Variants in ADAMTS2 observed in about 807,000 individuals in gnomAD.
The protein encoded by ADAMTS2 is ADAM metallopeptidase with thrombospondin type 1 motif 2.
In ADAMTS2, 50 loss-of-function variants were observed where a neutral mutation model predicts 123.0. The observed-to-expected ratio is 0.41, with a 90% confidence interval of 0.32 to 0.51. ADAMTS2 has a LOEUF of 0.51. Ranked by LOEUF, ADAMTS2 falls within the 20% of genes least tolerant of loss-of-function variation. The pLI is 0.35. For synonymous variants in ADAMTS2, 678 were observed against 695.4 expected, an observed-to-expected ratio of 0.98 and a Z score of 0.39; for missense variants, 1,494 against 1,705.2, an observed-to-expected ratio of 0.88 and a Z score of 2.18.
chr5:179,297,800 C>A (rs756537797), intron 2 of ADAMTS2, among the ~76,000 whole-genome samples: 1 of 152,190 alleles, frequency 6.6e-6, no homozygotes, highest in Non-Finnish European at 1.5e-5. Flanking sequence ...TCTCGCCTCC[C>A]CTGCTGCGTC....
At position 179,134,803 on chromosome 5, in the gene ADAMTS2, GCTCCCGGCTCCAGCCCCCA is replaced by G. The variant is rs1173521411; in HGVS notation, c.2085+1087_2085+1105del. ...CCCCAGCTCCCGGCTCCAGCCCCCA[GCTCCCGGCTCCAGCCCCCA>G]GCTCCCGGCTCCAGCCCCCAGCTCC... On this transcript the variant is annotated intron_variant, in intron 13 of 21. Coordinates refer to ENST00000251582, the MANE Select transcript of ADAMTS2 (RefSeq NM_014244.5). 1.2e-4 allele frequency among the ~76,000 whole-genome samples: 11 copies of G among 88,134 alleles called. No homozygotes were observed. In the South Asian group the frequency reaches 2.0e-3, roughly 16 times the overall value. 57.8% of individuals were successfully genotyped at this position (88,134 alleles called of 152,430 possible). A position where few individuals can be genotyped will look rare whatever the true frequency, so the allele number is the denominator to read the frequency against.
At chr5:179,295,781 G>A (rs1756310723) in intron 2 of ADAMTS2, among the ~76,000 whole-genome samples, 2 of 152,328 alleles carry the variant, frequency 1.3e-5, no homozygotes, top group Middle Eastern at 3.4e-3. Context: ...AGGAGCTGGA[G>A]GCTCTGGAAG....
rs1214690114 is a variant in ADAMTS2 at position 179,132,989 on chromosome 5, C to A, written c.2086-89G>T. ...GTTGCCCCCAGTCTCGAACACCTGGCCTCAAGCGATCCTCCTGCCTTGGCC... is the reference window on the plus strand; with the variant it reads ...GTTGCCCCCAGTCTCGAACACCTGGACTCAAGCGATCCTCCTGCCTTGGCC... On this transcript the variant is annotated intron_variant, in intron 13 of 21. Coordinates refer to ENST00000251582, the MANE Select transcript of ADAMTS2 (RefSeq NM_014244.5). The surrounding 1 kb of genome is among the most constrained non-coding windows in gnomAD (Gnocchi z 6.1). The A allele has an allele frequency of 6.5e-7, 1 of 1,532,456 alleles. No individual in the cohort carries two copies. The highest frequency in any genetic ancestry group is 8.8e-7 in the Non-Finnish European group (1 of 1,134,088). 94.9% of individuals were successfully genotyped at this position (1,532,456 alleles called of 1,614,324 possible).
intron 4 of ADAMTS2, among the ~76,000 whole-genome samples, chr5:179,198,856 A>C (rs1447989686): frequency 6.6e-6 from 1 of 151,672 alleles, no homozygotes; most frequent in Non-Finnish European, 1.5e-5. Context: ...AAAAAAACAA[A>C]ACTCACTGCA....
In ADAMTS2 at chr5:179,197,672, G is replaced by T. The variant is rs527568886; in HGVS notation, c.891+9841C>A. Among the ~76,000 whole-genome samples, 1 of 152,110 alleles carries T rather than the reference G, an allele frequency of 6.6e-6. No homozygotes were observed. The highest frequency in any genetic ancestry group is 1.5e-5 in the Non-Finnish European group (1 of 68,026). ...CAGTGAGCTATGATTGCAGCACTAC[G>T]CTCCAGCCTGGGTGACTGAGTGAGA... On this transcript the variant is annotated intron_variant, in intron 4 of 21. Transcript: ENST00000251582. This position sits in a 1 kb window ranked among gnomAD's most constrained non-coding sequence, Gnocchi z 4.2.
intron 3 of ADAMTS2, among the ~76,000 whole-genome samples, chr5:179,209,135 G>A (rs77262167): frequency 0.039 from 5,993 of 152,292 alleles, 165 homozygotes; most frequent in Non-Finnish European, 0.061. Context: ...GAGGCAGCCT[G>A]GTACCAGGCC....
rs1756926145 is a variant in ADAMTS2, at chr5:179,314,496, GT to G, written c.534+29270del. Among the ~76,000 whole-genome samples, 1 of 152,140 alleles carries G rather than the reference GT, an allele frequency of 6.6e-6. No homozygotes were observed. Among genetic ancestry groups the G allele is most frequent in the Non-Finnish European group, 1.5e-5 (1 of 68,014 alleles). ...ACAAGAGTAGTAAATGCACCGTGCT[GT>G]ACTCAGAGCCCAGGAAGCAGCCCTC... On this transcript the variant is annotated intron_variant, in intron 2 of 21. Coordinates refer to ENST00000251582, the MANE Select transcript of ADAMTS2 (RefSeq NM_014244.5). The surrounding 1 kb of genome is among the most constrained non-coding windows in gnomAD (Gnocchi z 4.5).
At chr5:179,223,562 ACG>A (rs1322432996) in intron 3 of ADAMTS2, among the ~76,000 whole-genome samples, 4 of 146,054 alleles carry the variant, frequency 2.7e-5, no homozygotes, top group East Asian at 2.1e-4. Flanking sequence ...ACTCACACAC[ACG>A]CGAATGCACT....
At position 179,187,319 on chromosome 5, in the gene ADAMTS2, T is replaced by C. The variant is rs571368231; in HGVS notation, c.892-6164A>G. On this transcript the variant is annotated intron_variant, in intron 4 of 21. Transcript: ENST00000251582. ...GCCAGGAGGGTCTGGCCCTGCTGAGTCTTCTCGGGCTGCCCTGGCCCTGCT... is the reference window on the plus strand; with the variant it reads ...GCCAGGAGGGTCTGGCCCTGCTGAGCCTTCTCGGGCTGCCCTGGCCCTGCT... Among the ~76,000 whole-genome samples, 69 of 152,104 alleles carry C rather than the reference T, an allele frequency of 4.5e-4. No individual in the cohort carries two copies. In the South Asian group the frequency reaches 0.013, roughly 28 times the overall value.
rs536878657 is a variant in ADAMTS2, at chr5:179,197,957, A to C, written c.891+9556T>G. ...GCCACAGCATCTGGTTTGTGAGCAGAGACTAGCCCAGGCGCTGGCAGAGCA... is the reference window on the plus strand; with the variant it reads ...GCCACAGCATCTGGTTTGTGAGCAGCGACTAGCCCAGGCGCTGGCAGAGCA... On this transcript the variant is annotated intron_variant, in intron 4 of 21. Transcript: ENST00000251582. The surrounding 1 kb of genome is among the most constrained non-coding windows in gnomAD (Gnocchi z 4.2). Among the ~76,000 whole-genome samples the C allele has an allele frequency of 6.5e-4, 99 of 152,344 alleles. No individual in the cohort carries two copies. The highest frequency in any genetic ancestry group is 2.3e-3 in the African/African-American group (94 of 41,578).
At position 179,202,151 on chromosome 5, in the gene ADAMTS2, C is replaced by G. The variant is rs1764581840; in HGVS notation, c.891+5362G>C. On this transcript the variant is annotated intron_variant, in intron 4 of 21. Coordinates refer to ENST00000251582, the MANE Select transcript of ADAMTS2 (RefSeq NM_014244.5). This position sits in a 1 kb window ranked among gnomAD's most constrained non-coding sequence, Gnocchi z 4.0. Reference sequence around the variant, plus strand: ...GCTCCCGGAGCCACAGGCGGCTCCCCTCCACCTCTGGAAGACTGCGGCGGC... The same window carrying G: ...GCTCCCGGAGCCACAGGCGGCTCCCGTCCACCTCTGGAAGACTGCGGCGGC... 1.3e-5 allele frequency among the ~76,000 whole-genome samples: 2 copies of G among 152,214 alleles called. No homozygotes were observed. Among genetic ancestry groups the G allele is most frequent in the Admixed American group, 1.3e-4 (2 of 15,284 alleles).
intron 3 of ADAMTS2, among the ~76,000 whole-genome samples, chr5:179,216,900 C>T (rs1764995958): frequency 6.6e-6 from 1 of 152,248 alleles, no homozygotes; most frequent in Non-Finnish European, 1.5e-5. Flanking sequence ...TCTGGCACTA[C>T]TGAGGGGATC....
chr5:179,345,249 A>AGCGGCG lies in ADAMTS2; in HGVS notation c.74_79dup (p.Pro25_Pro26dup), dbSNP rs763392299. ...CGCGGGCGGCGGCGGCGGCGGCAGGAGCGGCGGCGGCAGCAGCAGCAGCAG... is the reference window on the plus strand; with the variant it reads ...CGCGGGCGGCGGCGGCGGCGGCAGGAGCGGCGGCGGCGGCGGCAGCAGCAGCAGCAG... On this transcript the variant is annotated inframe_insertion, in exon 1 of 22. Coordinates refer to ENST00000251582, the MANE Select transcript of ADAMTS2 (RefSeq NM_014244.5). The surrounding 1 kb of genome is among the most constrained non-coding windows in gnomAD (Gnocchi z 7.5). The AGCGGCG allele has an allele frequency of 8.8e-6, 10 of 1,139,616 alleles. No homozygotes were observed. The highest frequency in any genetic ancestry group is 1.1e-5 in the Non-Finnish European group (10 of 935,500). 70.6% of individuals were successfully genotyped at this position (1,139,616 alleles called of 1,614,324 possible).
intron 3 of ADAMTS2, among the ~76,000 whole-genome samples, chr5:179,266,152 G>A (rs1320251516): frequency 6.6e-6 from 1 of 152,170 alleles, no homozygotes; most frequent in Non-Finnish European, 1.5e-5. Flanking sequence ...TGCAAATCCA[G>A]CCAAAGCCCT....
intron 2 of ADAMTS2, among the ~76,000 whole-genome samples, chr5:179,282,442 T>C (rs549965876): frequency 1.3e-5 from 2 of 152,328 alleles, no homozygotes; most frequent in East Asian, 3.9e-4. Context: ...CAAGAATCAA[T>C]ATGAGGATGT....
At chr5:179,151,723 AC>A (rs1763359581) in intron 10 of ADAMTS2, among the ~76,000 whole-genome samples, 2 of 152,206 alleles carry the variant, frequency 1.3e-5, no homozygotes, top group Non-Finnish European at 2.9e-5. Context: ...ACCTCGAAGG[AC>A]AGTGTGCCCA....
At chr5:179,141,221 C>T (rs139130367) in intron 10 of ADAMTS2, among the ~76,000 whole-genome samples, 2 of 152,286 alleles carry the variant, frequency 1.3e-5, no homozygotes, top group Admixed American at 6.5e-5. Context: ...CTCTTCTCAG[C>T]AAACCATTCC....
At chr5:179,255,966 G>GGGGTCT (rs1430872956) in intron 3 of ADAMTS2, among the ~76,000 whole-genome samples, 3 of 152,152 alleles carry the variant, frequency 2.0e-5, no homozygotes, top group Non-Finnish European at 4.4e-5. Context: ...TGGCTGCTCT[G>GGGGTCT]GTAGGCCCTG....
At chr5:179,224,815 T>C (rs892095089) in intron 3 of ADAMTS2, among the ~76,000 whole-genome samples, 5 of 147,094 alleles carry the variant, frequency 3.4e-5, no homozygotes, top group African/African-American at 1.4e-4. Flanking sequence ...CAGGTCTGTC[T>C]GCCACCTCAG....
Sources: allele counts gnomAD v4.1 joint callset (sites outside exome capture counted in the v4.1 genomes callset), GRCh38; gene constraint gnomAD v4.1.1; non-coding constraint Gnocchi (gnomAD v3.1); transcripts MANE v1.5; gene names NCBI Gene and HGNC (gene_info 2026-07-23, HGNC 2026-07-21).